TSGA10: variants seen among roughly 807,000 people sequenced by gnomAD.
The protein encoded by TSGA10 is testis specific 10.
Under a neutral mutation model 96.6 loss-of-function variants are expected in TSGA10, and 43 were observed. The ratio of observed to expected loss-of-function variants is 0.44; its 90% CI spans 0.35 to 0.57. TSGA10 has a LOEUF of 0.57. Among genes scored for constraint, TSGA10 ranks in the 20% least tolerant of loss-of-function variants. The pLI is 0.01. For synonymous variants in TSGA10, 229 were observed against 269.9 expected (o/e 0.85, Z 1.48); for missense variants, 703 against 834.4 (o/e 0.84, Z 1.94).
Position 99,069,158 on chromosome 2 carries a change from G to A in TSGA10, c.1108-160C>T, listed in dbSNP as rs1460791711. Among the ~76,000 whole-genome samples, 4 of 152,026 alleles carry A rather than the reference G, an allele frequency of 2.6e-5. No individual in the cohort carries two copies. The East Asian group carries it at 5.8e-4, about 22-fold the overall frequency. On this transcript the variant is annotated intron_variant, in intron 14 of 20. Coordinates refer to ENST00000393483, the MANE Select transcript of TSGA10 (RefSeq NM_025244.4). The stretch of plus-strand genomic sequence containing the variant: ...AGAAAACACATAAGCCCAATAGCAA[G>A]TGGGCAAATGACCCAAATAAGCAAT...
intron 16 of TSGA10, among the ~76,000 whole-genome samples, chr2:99,052,443 A>C (rs1486185496): frequency 2.0e-5 from 3 of 152,158 alleles, no homozygotes; most frequent in Non-Finnish European, 2.9e-5. Flanking sequence ...TGAAGAGACC[A>C]AAGCAAGTAA....
chr2:99,071,636 T>A, intron 14 of TSGA10, 70 bp downstream of exon 14: 1 of 1,458,182 alleles, frequency 6.9e-7, no homozygotes, highest in Non-Finnish European at 9.3e-7. Flanking sequence ...TAAAATAAAA[T>A]GAGGGCTGTT....
At chr2:99,062,737 C>G (rs974701828) in intron 16 of TSGA10, among the ~76,000 whole-genome samples, 1 of 152,000 alleles carries the variant, frequency 6.6e-6, no homozygotes, top group Middle Eastern at 3.4e-3. Flanking sequence ...CTGTCTCAAA[C>G]AAACAGACAA....
intron 1 of TSGA10, chr2:99,150,823 G>C (rs1419632815): frequency 6.3e-7 from 1 of 1,582,974 alleles, no homozygotes; most frequent in African/African-American, 1.4e-5. Flanking sequence ...AGAAATGACA[G>C]ATGTGGAATG....
intron 20 of TSGA10, among the ~76,000 whole-genome samples, chr2:99,011,007 A>G (rs902050048): frequency 6.6e-6 from 1 of 152,078 alleles, no homozygotes; most frequent in Non-Finnish European, 1.5e-5. Flanking sequence ...CCTCTATAAC[A>G]TAAGCCCATT....
At chr2:99,080,726 G>A (rs1558949557) in intron 11 of TSGA10, among the ~76,000 whole-genome samples, 1 of 151,936 alleles carries the variant, frequency 6.6e-6, no homozygotes, top group Non-Finnish European at 1.5e-5. Context: ...TTTAAAATAG[G>A]CTCTTCTATA....
intron 1 of TSGA10, chr2:99,148,234 A>G (rs2093652032): frequency 6.6e-6 from 1 of 152,216 alleles, no homozygotes; most frequent in Non-Finnish European, 1.5e-5. Flanking sequence ...TGACAGGAGT[A>G]TTTCCTTTCT....
intron 17 of TSGA10, among the ~76,000 whole-genome samples, chr2:99,026,123 T>A (rs1475004428): frequency 6.6e-6 from 1 of 152,228 alleles, no homozygotes; most frequent in Non-Finnish European, 1.5e-5. Context: ...GTTGTTGAAA[T>A]CTTATATTTC....
At position 99,110,890 on chromosome 2, in the gene TSGA10, T is replaced by A. The variant is rs972181849; in HGVS notation, c.-114A>T. ...TATTGTATCTTCCAATACTATAATA[T>A]TATTTTGCTGGCAAATGAGATCAAT... On this transcript the variant is annotated 5_prime_UTR_variant, in exon 5 of 21. Coordinates refer to ENST00000393483, the MANE Select transcript of TSGA10 (RefSeq NM_025244.4). 1 of 771,286 alleles carries A rather than the reference T, an allele frequency of 1.3e-6. No individual in the cohort carries two copies. Among genetic ancestry groups the A allele is most frequent in the Non-Finnish European group, 1.6e-6 (1 of 634,974 alleles). The allele number at this position is 771,286 out of a possible 1,614,324, so 47.8% of individuals were successfully genotyped here. A position where few individuals can be genotyped will look rare whatever the true frequency, so the allele number is the denominator to read the frequency against.
At chr2:99,072,061 G>T (rs77067997) in intron 13 of TSGA10, among the ~76,000 whole-genome samples, 187 bp from the exon 14 acceptor site, 1 of 152,094 alleles carries the variant, frequency 6.6e-6, no homozygotes, top group Non-Finnish European at 1.5e-5. Context: ...CCATCATTTC[G>T]CTATGAAAAG....
intron 20 of TSGA10, among the ~76,000 whole-genome samples, chr2:99,004,842 A>C (rs2104816560): frequency 1.3e-5 from 2 of 152,312 alleles, no homozygotes; most frequent in Non-Finnish European, 2.9e-5. Flanking sequence ...ACAACAAAAA[A>C]AGAGAATTTT....
intron 1 of TSGA10, among the ~76,000 whole-genome samples, chr2:99,134,773 T>C (rs1011163162): frequency 2.6e-5 from 4 of 152,208 alleles, no homozygotes; most frequent in Admixed American, 6.5e-5. Flanking sequence ...CTGGGGTTTC[T>C]GTGTGGACGT....
intron 10 of TSGA10, among the ~76,000 whole-genome samples, chr2:99,090,216 A>T (rs1181326253): frequency 6.6e-6 from 1 of 152,204 alleles, no homozygotes; most frequent in Non-Finnish European, 1.5e-5. Context: ...GAAGAGAGAG[A>T]GAATACTACA....
rs186715584 is a variant in TSGA10 at position 99,046,154 on chromosome 2, G to C, written c.1405-10715C>G. 1.9e-3 allele frequency among the ~76,000 whole-genome samples: 282 copies of C among 152,172 alleles called. 4 individuals are homozygous for C. Among genetic ancestry groups the C allele is most frequent in the African/African-American group, 6.5e-3 (271 of 41,520 alleles). Reference sequence around the variant, plus strand: ...CTTTAACACCCCACTGTCAACATTAGACAGATCAGCGAGACAGAAAGTTAA... The same window carrying C: ...CTTTAACACCCCACTGTCAACATTACACAGATCAGCGAGACAGAAAGTTAA... On this transcript the variant is annotated intron_variant, in intron 16 of 20. Coordinates refer to ENST00000393483, the MANE Select transcript of TSGA10 (RefSeq NM_025244.4).
intron 4 of TSGA10, among the ~76,000 whole-genome samples, chr2:99,114,633 A>G (rs1222557563): frequency 2.6e-5 from 4 of 152,154 alleles, no homozygotes; most frequent in Admixed American, 6.5e-5. Context: ...AAACCAGGCA[A>G]AATTCCACCT....
chr2:99,011,228 G>C (rs1379417177), intron 20 of TSGA10, among the ~76,000 whole-genome samples: 1 of 152,180 alleles, frequency 6.6e-6, no homozygotes, highest in Non-Finnish European at 1.5e-5. Context: ...CGACACCCGG[G>C]TTCAAGCGAT....
At chr2:99,011,393 A>G (rs2078995745) in intron 20 of TSGA10, among the ~76,000 whole-genome samples, 1 of 152,160 alleles carries the variant, frequency 6.6e-6, no homozygotes. Flanking sequence ...CGGCCTCCCA[A>G]AGTGCTGGGA....
intron 17 of TSGA10, among the ~76,000 whole-genome samples, chr2:99,030,817 T>G (rs573141702): frequency 1.3e-5 from 2 of 152,294 alleles, no homozygotes; most frequent in East Asian, 3.9e-4. Context: ...AGAACTTGCA[T>G]GCTGAAAACT....
chr2:99,022,459 G>C (rs1198707134), intron 17 of TSGA10, among the ~76,000 whole-genome samples: 1 of 151,640 alleles, frequency 6.6e-6, no homozygotes, highest in Non-Finnish European at 1.5e-5. Flanking sequence ...ATGTGTATGC[G>C]GTCTTTTGTG....
Sources: gnomAD v4.1 joint callset for allele counts (sites outside exome capture counted in the v4.1 genomes callset) on GRCh38, gnomAD v4.1.1 for gene constraint, MANE v1.5 for transcripts, NCBI Gene and HGNC (gene_info 2026-07-23, HGNC 2026-07-21) for gene names.